Variants in STARD13 observed in about 807,000 individuals in gnomAD.
STARD13 encodes the protein stAR-related lipid transfer protein 13.
A neutral mutation model predicts 106.4 loss-of-function variants in STARD13; 62 were observed. The ratio of observed to expected loss-of-function variants is 0.58; its 90% CI spans 0.48 to 0.72. The LOEUF is 0.72. STARD13 is among the 30% of genes least tolerant of loss of function. The pLI, the probability that STARD13 is intolerant of heterozygous loss-of-function variation, is 0.00. For synonymous variants in STARD13, 565 were observed against 553.0 expected (o/e 1.02, Z -0.31); for missense variants, 1,387 against 1,424.0 (o/e 0.97, Z 0.42).
At chr13:33,453,969 C>G in the STARD13 span, among the ~76,000 whole-genome samples, 1 of 152,182 alleles carries the variant, frequency 6.6e-6, no homozygotes, top group Admixed American at 6.5e-5. Context: ...GACCCACAAG[C>G]TAAACAGACA....
At chr13:33,349,832 C>T (rs2078055048) in intron 1 of STARD13, among the ~76,000 whole-genome samples, 1 of 152,228 alleles carries the variant, frequency 6.6e-6, no homozygotes, top group South Asian at 2.1e-4. Context: ...GTGCTCCTTG[C>T]CTTGCATTCA....
the STARD13 span, among the ~76,000 whole-genome samples, chr13:33,552,683 G>A: frequency 6.6e-6 from 1 of 152,128 alleles, no homozygotes; most frequent in East Asian, 1.9e-4. Context: ...CTTTACTAAG[G>A]AATATTTGTG....
chr13:33,614,540 A>G, the STARD13 span, among the ~76,000 whole-genome samples: 1 of 152,182 alleles, frequency 6.6e-6, no homozygotes, highest in African/African-American at 2.4e-5. Context: ...TCAGAGCTCA[A>G]GGAGCTTCTG....
chr13:33,260,808 A>AT lies in STARD13; in HGVS notation c.169+24661dup, dbSNP rs543357080. ...GTAGTGTAATATCTTAATAAACAGG[A>AT]TTTTTTTCCCTTGAAAACGTAAGTG... On this transcript the variant is annotated intron_variant, in intron 1 of 13. Coordinates refer to ENST00000336934, the MANE Select transcript of STARD13 (RefSeq NM_178006.4). Among the ~76,000 whole-genome samples, 296 of 152,292 alleles carry AT rather than the reference A, an allele frequency of 1.9e-3. 1 individual carries two copies. Among genetic ancestry groups the AT allele is most frequent in the African/African-American group, 6.8e-3 (283 of 41,564 alleles).
rs762437581 is a variant in STARD13 at position 33,112,876 on chromosome 13, G to T, written c.2337C>A (p.Ala779=). Residue 779 remains alanine, a synonymous_variant, in exon 9 of 14, where the codon GCC becomes GCA. Transcript: ENST00000336934. ...QAVQAAILLL[A]DENREVLQTL... is the part of the protein sequence containing the mutation. Reference sequence around the variant, plus strand: ...TCTGCAGGACCTCCCTGTTCTCATCGGCCAGTAGCAGGATGGCAGCCTGCA... The same window carrying T: ...TCTGCAGGACCTCCCTGTTCTCATCTGCCAGTAGCAGGATGGCAGCCTGCA... 1 of 1,613,590 alleles carries T rather than the reference G, an allele frequency of 6.2e-7. No homozygotes were observed. Among genetic ancestry groups the T allele is most frequent in the Non-Finnish European group, 8.5e-7 (1 of 1,179,812 alleles).
the STARD13 span, among the ~76,000 whole-genome samples, chr13:33,517,401 G>GA: frequency 6.6e-6 from 1 of 152,056 alleles, no homozygotes; most frequent in Non-Finnish European, 1.5e-5. Flanking sequence ...TATTCCATTA[G>GA]AAATTTTAAA....
At chr13:33,577,877 T>G in the STARD13 span, among the ~76,000 whole-genome samples, 1 of 152,074 alleles carries the variant, frequency 6.6e-6, no homozygotes, top group Admixed American at 6.6e-5. Context: ...TCATTAAAAA[T>G]TCAAAACTTC....
chr13:33,447,457 T>G, the STARD13 span, among the ~76,000 whole-genome samples: 1 of 152,326 alleles, frequency 6.6e-6, no homozygotes, highest in South Asian at 2.1e-4. Flanking sequence ...AGACTTTTTG[T>G]GTTCTTCCCT....
At chr13:33,672,046 T>C in the STARD13 span, among the ~76,000 whole-genome samples, 1 of 152,234 alleles carries the variant, frequency 6.6e-6, no homozygotes, top group Admixed American at 6.5e-5. Context: ...TAAATCATTC[T>C]ACTATAAAGA....
intron 3 of STARD13, among the ~76,000 whole-genome samples, chr13:33,147,907 A>G (rs1202915170): frequency 1.3e-5 from 2 of 152,212 alleles, no homozygotes; most frequent in African/African-American, 4.8e-5. Flanking sequence ...GGAACCCAAA[A>G]CAGACTCGCA....
At chr13:33,487,788 C>G in the STARD13 span, among the ~76,000 whole-genome samples, 3 of 152,208 alleles carry the variant, frequency 2.0e-5, no homozygotes, top group Non-Finnish European at 2.9e-5. Flanking sequence ...TTATCATCCA[C>G]AAACTTCACC....
chr13:33,383,043 T>A, the STARD13 span, among the ~76,000 whole-genome samples: 10 of 152,220 alleles, frequency 6.6e-5, no homozygotes, highest in Non-Finnish European at 1.5e-4. Flanking sequence ...GTGGGTAACA[T>A]CTAGTTAGAG....
intron 3 of STARD13, among the ~76,000 whole-genome samples, chr13:33,149,088 T>A (rs1880924128): frequency 6.6e-6 from 1 of 152,164 alleles, no homozygotes; most frequent in Non-Finnish European, 1.5e-5. Context: ...CACAGAGGAT[T>A]TTTAGGGCAA....
upstream of STARD13, among the ~76,000 whole-genome samples, chr13:33,288,579 AT>A (rs551727420): frequency 3.9e-4 from 58 of 146,940 alleles, no homozygotes; most frequent in South Asian, 8.6e-4. Context: ...TTGGCCCTAC[AT>A]TTTTTTTTTT....
upstream of STARD13, among the ~76,000 whole-genome samples, chr13:33,286,303 C>CA (rs1269862745): frequency 6.6e-6 from 1 of 152,170 alleles, no homozygotes; most frequent in Non-Finnish European, 1.5e-5. Context: ...GGAGTGAATA[C>CA]ACCACAGATC....
chr13:33,535,646 G>T, the STARD13 span, among the ~76,000 whole-genome samples: 4 of 152,220 alleles, frequency 2.6e-5, no homozygotes, highest in Middle Eastern at 3.4e-3. Flanking sequence ...AGAACATATT[G>T]GTTGTTTTGC....
chr13:33,376,087 A>AACCATATTACTTAATATGGTTTTG, the STARD13 span, among the ~76,000 whole-genome samples: 1 of 152,140 alleles, frequency 6.6e-6, no homozygotes, highest in African/African-American at 2.4e-5. Context: ...ATATTACTTA[A>AACCATATTACTTAATATGGTTTTG]ACCATATTAC....
chr13:33,493,651 C>T, the STARD13 span, among the ~76,000 whole-genome samples: 1 of 152,158 alleles, frequency 6.6e-6, no homozygotes, highest in African/African-American at 2.4e-5. Flanking sequence ...TTTCTGTAAA[C>T]ATAAAATTGC....
At chr13:33,666,236 C>T in the STARD13 span, among the ~76,000 whole-genome samples, 3 of 152,166 alleles carry the variant, frequency 2.0e-5, no homozygotes, top group African/African-American at 7.2e-5. Flanking sequence ...GTTACTAATA[C>T]ATTGATTAGA....
Sources: allele counts gnomAD v4.1 joint callset (sites outside exome capture counted in the v4.1 genomes callset), GRCh38; gene constraint gnomAD v4.1.1; transcripts MANE v1.5; gene names NCBI Gene and HGNC (gene_info 2026-07-23, HGNC 2026-07-21).